The following SCLT1 variants were observed in gnomAD, a reference collection of about 807,000 sequenced individuals.
The protein encoded by SCLT1 is sodium channel-associated protein 1.
A neutral mutation model predicts 112.8 loss-of-function variants in SCLT1; 78 were observed. The observed-to-expected ratio is 0.69, with a 90% CI of 0.58 to 0.83. The LOEUF (loss-of-function observed/expected upper bound fraction) is 0.83. Among genes scored for constraint, SCLT1 ranks in the 40% least tolerant of loss-of-function variants. The pLI is 0.00. For synonymous variants in SCLT1, 257 were observed against 254.7 expected (o/e 1.01, Z -0.09); for missense variants, 747 against 770.4 (o/e 0.97, Z 0.36).
intron 4 of SCLT1, chr4:128,875,003 TGAAAA>T (rs879049823): frequency 1.5e-5 from 2 of 132,108 alleles, no homozygotes; most frequent in South Asian, 4.4e-4. Flanking sequence ...CAGCTAAAAT[TGAAAA>T]AAAAAAAAAG....
intron 1 of SCLT1, 67 bp downstream of exon 1, chr4:129,093,003 G>C (rs902601260): frequency 2.5e-6 from 3 of 1,182,032 alleles, no homozygotes; most frequent in African/African-American, 3.0e-5. Flanking sequence ...ATTCAAAAAA[G>C]ATTTGTCGGT....
chr4:128,946,256 T>C, intron 15 of SCLT1, 104 bp from the exon 16 acceptor site: 1 of 652,140 alleles, frequency 1.5e-6, no homozygotes, highest in Non-Finnish European at 2.5e-6. Context: ...CATGATTATG[T>C]GTTCATTTGT....
chr4:128,977,831 C>T (rs925819167), intron 9 of SCLT1, among the ~76,000 whole-genome samples: 2 of 152,038 alleles, frequency 1.3e-5, no homozygotes. Context: ...GTTCCAATTG[C>T]AATGAAAATC....
Position 128,989,579 on chromosome 4 carries a change from G to C in SCLT1, c.686+2588C>G, listed in dbSNP as rs1460620984. On this transcript the variant is annotated intron_variant, in intron 9 of 20. Coordinates refer to ENST00000281142, the MANE Select transcript of SCLT1 (RefSeq NM_144643.4). ...ATCTTAAAGAACTGGAAAAGCAAGA[G>C]AAAACCAAACTCAACATTAGTATAA... is the stretch of plus-strand genomic sequence containing the variant. Among the ~76,000 whole-genome samples the C allele has an allele frequency of 3.3e-5, 5 of 151,362 alleles. No homozygotes were observed. The East Asian group carries it at 9.6e-4, about 29-fold the overall frequency.
intron 9 of SCLT1, among the ~76,000 whole-genome samples, chr4:128,981,464 C>G (rs1256697736): frequency 6.6e-6 from 1 of 152,132 alleles, no homozygotes; most frequent in East Asian, 1.9e-4. Context: ...TAGTGTGAAC[C>G]TAAAATTGTC....
At chr4:129,065,706 T>C (rs1712213072) in intron 2 of SCLT1, among the ~76,000 whole-genome samples, 2 of 152,048 alleles carry the variant, frequency 1.3e-5, no homozygotes, top group Admixed American at 1.3e-4. Context: ...ATGTAATTTA[T>C]TGTAATCAGG....
rs528905688 is a variant in SCLT1, at chr4:129,053,557, A to ATTTTTTTTTTTTTTTTTTTTTTTTTTTT, written c.103-9534_103-9507dup. On this transcript the variant is annotated intron_variant, in intron 2 of 20. Transcript: ENST00000281142. ...TTAGAGACTAGGATTGCAATCCCTG[A>ATTTTTTTTTTTTTTTTTTTTTTTTTTTT]TTTTTTTTTTTTTTTTTTTTTTTTT... Among the ~76,000 whole-genome samples, 5 of 45,238 alleles carry ATTTTTTTTTTTTTTTTTTTTTTTTTTTT rather than the reference A, an allele frequency of 1.1e-4. 1 individual carries two copies. Among genetic ancestry groups the ATTTTTTTTTTTTTTTTTTTTTTTTTTTT allele is most frequent in the Non-Finnish European group, 1.9e-4 (5 of 25,852 alleles). 29.7% of individuals were successfully genotyped at this position (45,238 alleles called of 152,430 possible). A position where few individuals can be genotyped will look rare whatever the true frequency, so the allele number is the denominator to read the frequency against.
intron 18 of SCLT1, among the ~76,000 whole-genome samples, chr4:128,911,780 T>C (rs1267548347): frequency 6.6e-6 from 1 of 152,202 alleles, no homozygotes; most frequent in African/African-American, 2.4e-5. Flanking sequence ...TATTTGGTTT[T>C]GCCTCTAATA....
intron 2 of SCLT1, among the ~76,000 whole-genome samples, chr4:129,057,439 G>T: frequency 7.0e-6 from 1 of 142,960 alleles, no homozygotes; most frequent in Admixed American, 7.2e-5. Context: ...ATGACTCTCA[G>T]CCTCCCAAGT....
At chr4:128,931,802 G>A (rs1322397690) in intron 18 of SCLT1, among the ~76,000 whole-genome samples, 2 of 152,102 alleles carry the variant, frequency 1.3e-5, no homozygotes, top group Admixed American at 6.5e-5. Context: ...TTCCATTTAC[G>A]ATTAATTTTT....
intron 15 of SCLT1, 21 bp from the exon 16 acceptor site, chr4:128,946,173 G>T: frequency 1.3e-6 from 2 of 1,536,016 alleles, no homozygotes; most frequent in Non-Finnish European, 1.8e-6. Flanking sequence ...GGCTTATTAG[G>T]TATATAATAT....
At chr4:129,011,712 G>C (rs910040878) in intron 5 of SCLT1, among the ~76,000 whole-genome samples, 1 of 151,982 alleles carries the variant, frequency 6.6e-6, no homozygotes, top group Non-Finnish European at 1.5e-5. Flanking sequence ...CTCAATTTCA[G>C]AACTCATTAC....
chr4:129,054,766 A>C (rs553881793), intron 2 of SCLT1, among the ~76,000 whole-genome samples: 19 of 152,238 alleles, frequency 1.2e-4, no homozygotes, highest in African/African-American at 4.6e-4. Flanking sequence ...TGTCAGATTC[A>C]TACTCTGTCC....
intron 5 of SCLT1, among the ~76,000 whole-genome samples, chr4:129,014,515 G>A (rs35053690): frequency 0.031 from 4,724 of 152,140 alleles, 94 homozygotes; most frequent in South Asian, 0.052. Context: ...TGACCTTGAG[G>A]GTTTGATTAT....
At chr4:128,873,491 CTA>C (rs1732361894) in intron 5 of SCLT1, 1 of 152,524 alleles carries the variant, frequency 6.6e-6, no homozygotes, top group Admixed American at 6.6e-5. Flanking sequence ...ATGGCAATAA[CTA>C]TTAAGTTATC....
At chr4:128,923,808 C>T (rs193058587) in intron 18 of SCLT1, among the ~76,000 whole-genome samples, 7 of 151,682 alleles carry the variant, frequency 4.6e-5, no homozygotes, top group Admixed American at 6.6e-5. Context: ...TTTTTTGTGT[C>T]GATATATTTT....
intron 13 of SCLT1, 29 bp downstream of exon 13, chr4:128,956,997 G>T: frequency 7.9e-7 from 1 of 1,271,626 alleles, no homozygotes; most frequent in Non-Finnish European, 1.1e-6. Context: ...CTTAAATTCT[G>T]AATTTTAAAT....
rs769628557 is a variant in SCLT1 at position 129,043,429 on chromosome 4, AG to A, written c.199del (p.Leu67Ter). On this transcript the variant is annotated frameshift_variant, in exon 4 of 21. Coordinates refer to ENST00000281142, the MANE Select transcript of SCLT1 (RefSeq NM_144643.4). LOFTEE classifies it high-confidence loss of function. ...TTTCAGCTGCCCATTTAGTTCTCCT[AG>A]GTGTTTATCATACTCAGTAACAAGA... is the stretch of plus-strand genomic sequence containing the variant. The part of the protein sequence containing the change: ...APLVTEYDKH[L>X]GELNGQLKYY... The A allele has an allele frequency of 1.3e-6, 2 of 1,550,498 alleles. No homozygotes were observed. The highest frequency in any genetic ancestry group is 2.7e-5 in the African/African-American group (2 of 73,298).
chr4:129,059,239 T>C (rs1322365956), intron 2 of SCLT1, among the ~76,000 whole-genome samples: 2 of 152,172 alleles, frequency 1.3e-5, no homozygotes, highest in Non-Finnish European at 2.9e-5. Flanking sequence ...ATTCAGCATG[T>C]CTTTATCTTT....
Sources: allele counts gnomAD v4.1 joint callset (sites outside exome capture counted in the v4.1 genomes callset), GRCh38; gene constraint gnomAD v4.1.1; transcripts MANE v1.5; gene names NCBI Gene and HGNC (gene_info 2026-07-23, HGNC 2026-07-21).